The following PROCR variants were observed in gnomAD, a reference collection of about 807,000 sequenced individuals.
The protein encoded by PROCR is endothelial protein C receptor.
A neutral mutation model predicts 24.2 loss-of-function variants in PROCR; 22 were observed. The observed-to-expected ratio is 0.91, with a 90% CI of 0.65 to 1.30. The LOEUF is 1.30. Among genes scored for constraint, PROCR ranks in the 50% most tolerant of loss-of-function variants. The pLI, the probability that PROCR is intolerant of heterozygous loss-of-function variation, is 0.00. For missense variants in PROCR, 288 were observed against 307.7 expected (o/e 0.94, Z 0.48); for synonymous variants, 137 against 139.2 (o/e 0.98, Z 0.11).
At chr20:35,196,266 A>C (rs981822151) in intron 1 of PROCR, among the ~76,000 whole-genome samples, 1 of 151,924 alleles carries the variant, frequency 6.6e-6, no homozygotes, top group Non-Finnish European at 1.5e-5. Context: ...TGGTGTCATC[A>C]ATATTTCTGA....
intron 1 of PROCR, among the ~76,000 whole-genome samples, chr20:35,199,238 A>G (rs2060309906): frequency 6.6e-6 from 1 of 152,220 alleles, no homozygotes; most frequent in Non-Finnish European, 1.5e-5. Context: ...ATATCTGTTC[A>G]TAGCATGGTT....
At chr20:35,184,923 C>T (rs963276551) in intron 1 of PROCR, among the ~76,000 whole-genome samples, 2 of 150,362 alleles carry the variant, frequency 1.3e-5, no homozygotes, top group African/African-American at 4.9e-5. Flanking sequence ...GAACAGTCAG[C>T]AGAGTAAACA....
chr20:35,205,773 A>ATG (rs922493040), intron 1 of PROCR, among the ~76,000 whole-genome samples: 3 of 135,658 alleles, frequency 2.2e-5, no homozygotes, highest in African/African-American at 8.7e-5. Flanking sequence ...ATATATATAT[A>ATG]TATATATATA....
downstream of PROCR, among the ~76,000 whole-genome samples, chr20:35,180,346 A>G (rs952663785): frequency 6.6e-6 from 1 of 152,166 alleles, no homozygotes; most frequent in Non-Finnish European, 1.5e-5. Context: ...CAGTTCTTTC[A>G]ATGTCTGCCT....
chr20:35,197,882 A>G (rs1319986093), intron 1 of PROCR, among the ~76,000 whole-genome samples: 1 of 151,830 alleles, frequency 6.6e-6, no homozygotes, highest in Non-Finnish European at 1.5e-5. Context: ...CAAAATCATG[A>G]TATGATTAAG....
intron 2 of PROCR, 89 bp downstream of exon 2, chr20:35,175,042 C>G: frequency 9.3e-7 from 1 of 1,075,432 alleles, no homozygotes; most frequent in Non-Finnish European, 1.2e-6. Flanking sequence ...CGGATGGAGG[C>G]GGGCTGGGAC....
intron 1 of PROCR, among the ~76,000 whole-genome samples, chr20:35,200,687 C>G (rs775360058): frequency 6.6e-6 from 1 of 152,228 alleles, no homozygotes; most frequent in Non-Finnish European, 1.5e-5. Context: ...TTTGCTCTGT[C>G]GCCCAAGCTG....
intron 1 of PROCR, among the ~76,000 whole-genome samples, chr20:35,200,602 T>C (rs2060314852): frequency 6.6e-6 from 1 of 152,226 alleles, no homozygotes; most frequent in South Asian, 2.1e-4. Flanking sequence ...CATAATGTTA[T>C]TGCACATTTA....
intron 1 of PROCR, among the ~76,000 whole-genome samples, chr20:35,183,940 G>A (rs1405728201): frequency 6.6e-6 from 1 of 152,234 alleles, no homozygotes; most frequent in East Asian, 1.9e-4. Flanking sequence ...GGCTATAGGA[G>A]GATGGATAGA....
chr20:35,186,452 G>A (rs1414959484), intron 1 of PROCR, among the ~76,000 whole-genome samples: 1 of 151,632 alleles, frequency 6.6e-6, no homozygotes, highest in Non-Finnish European at 1.5e-5. Flanking sequence ...TGTAATCCCA[G>A]CTACTCGGGA....
chr20:35,204,327 G>A (rs1051860713), intron 1 of PROCR, among the ~76,000 whole-genome samples: 9 of 151,732 alleles, frequency 5.9e-5, no homozygotes, highest in Admixed American at 1.3e-4. Context: ...GGCCCAGAAG[G>A]TTTCTTTTCT....
chr20:35,204,285 TA>T (rs1175299656), intron 1 of PROCR, among the ~76,000 whole-genome samples: 3 of 152,180 alleles, frequency 2.0e-5, no homozygotes, highest in Non-Finnish European at 2.9e-5. Context: ...ATTCATAGTT[TA>T]AAACCTTCCA....
downstream of PROCR, among the ~76,000 whole-genome samples, chr20:35,178,667 C>T (rs1302870651): frequency 1.8e-4 from 24 of 135,576 alleles, no homozygotes; most frequent in African/African-American, 6.7e-4. Flanking sequence ...AGGCGCCCGC[C>T]ACTACGCCCG....
rs779598706 is a variant in PROCR at position 35,174,942 on chromosome 20, G to A, written c.311G>A (p.Arg104Gln). ...HGLVRLVHQE[R>Q]TLAFPLTIRC... ...CTCGTGCGCCTGGTGCACCAGGAGC[G>A]GACCTTGGCCTGTGAGTAGGCGCGC... Residue 104 changes from arginine (R) to glutamine (Q), a missense_variant, in exon 2 of 4, where the codon CGG becomes CAG. By Grantham distance (43) the Arg-to-Gln change is conservative. Coordinates refer to ENST00000216968, the MANE Select transcript of PROCR (RefSeq NM_006404.5). The A allele has an allele frequency of 5.1e-6, 8 of 1,569,274 alleles. No individual in the cohort carries two copies. In the East Asian group the frequency reaches 1.2e-4, roughly 23 times the overall value.
At chr20:35,194,936 C>T (rs1600746410) in intron 1 of PROCR, among the ~76,000 whole-genome samples, 1 of 152,270 alleles carries the variant, frequency 6.6e-6, no homozygotes, top group Non-Finnish European at 1.5e-5. Flanking sequence ...TCCAAAATTA[C>T]TTAATATACA....
At chr20:35,182,973 CAAAAAAA>C (rs71333786) in intron 1 of PROCR, among the ~76,000 whole-genome samples, 12 of 110,762 alleles carry the variant, frequency 1.1e-4, no homozygotes, top group Admixed American at 3.1e-4. Context: ...GACTCCGTCT[CAAAAAAA>C]AAAAAAAAAA....
chr20:35,190,599 C>G (rs764702559), intron 1 of PROCR, among the ~76,000 whole-genome samples: 14 of 152,070 alleles, frequency 9.2e-5, no homozygotes, highest in Non-Finnish European at 1.6e-4. Context: ...TTATTTCATC[C>G]AAATGCAAGT....
chr20:35,176,618 A>G (rs1197546201), intron 3 of PROCR, 80 bp from the exon 4 acceptor site: 52 of 1,568,694 alleles, frequency 3.3e-5, no homozygotes, highest in Non-Finnish European at 4.5e-5. Flanking sequence ...CCTCTGGGGC[A>G]GAAACGCTTT....
intron 1 of PROCR, among the ~76,000 whole-genome samples, chr20:35,194,329 C>T (rs149716519): frequency 1.9e-4 from 29 of 152,112 alleles, no homozygotes; most frequent in Non-Finnish European, 1.2e-4. Flanking sequence ...GGTTAAGTAA[C>T]TAAGGAGGCT....
Sources: gnomAD v4.1 joint callset for allele counts (sites outside exome capture counted in the v4.1 genomes callset) on GRCh38, gnomAD v4.1.1 for gene constraint, MANE v1.5 for transcripts, NCBI Gene and HGNC (gene_info 2026-07-23, HGNC 2026-07-21) for gene names.